Variants in TBC1D16 observed in about 807,000 individuals in gnomAD.
The protein encoded by TBC1D16 is TBC1 domain family member 16, also known as CTD-2529O21.1.
TBC1D16 carries 58 observed loss-of-function variants against 74.7 expected under a neutral mutation model. The ratio of observed to expected loss-of-function variants is 0.78; its 90% CI spans 0.63 to 0.97. The LOEUF is 0.97. TBC1D16 is among the 50% of genes least tolerant of loss of function. TBC1D16 has a pLI of 0.00. For missense variants in TBC1D16, 1,014 were observed against 1,079.5 expected (o/e 0.94, Z 0.85); for synonymous variants, 493 against 474.7 (o/e 1.04, Z -0.50).
intron 3 of TBC1D16, among the ~76,000 whole-genome samples, chr17:79,969,941 C>CAAAGAAAAGAAAAGAAAAGA (rs552490205): frequency 1.2e-4 from 18 of 151,906 alleles, no homozygotes; most frequent in African/African-American, 4.4e-4. Context: ...GACTCCATCT[C>CAAAGAAAAGAAAAGAAAAGA]AAAGAAAAGA....
In TBC1D16 at chr17:79,952,740, C is replaced by G. The variant is rs575701923; in HGVS notation, c.858G>C (p.Pro286=). The G allele has an allele frequency of 1.2e-6, 2 of 1,612,042 alleles. No homozygotes were observed. The highest frequency in any genetic ancestry group is 2.7e-5 in the African/African-American group (2 of 74,948). The part of the protein sequence containing the change: ...GLLQTPRWDE[P]QRVCALEQIC... ...TCTGCTCCAGGGCGCACACCCGCTGCGGCTCGTCCCAGCGTGGGGTCTGCA... is the reference window on the plus strand; with the variant it reads ...TCTGCTCCAGGGCGCACACCCGCTGGGGCTCGTCCCAGCGTGGGGTCTGCA... Residue 286 remains proline (P), a synonymous_variant, in exon 4 of 12, where the codon CCG becomes CCC. Transcript: ENST00000310924.
chr17:79,942,672 G>T (rs1354360694), intron 10 of TBC1D16, among the ~76,000 whole-genome samples: 1 of 152,174 alleles, frequency 6.6e-6, no homozygotes, highest in Non-Finnish European at 1.5e-5. Context: ...TGCGCCTCTG[G>T]CAGCCACCCA....
intron 3 of TBC1D16, among the ~76,000 whole-genome samples, chr17:79,974,309 G>A (rs529560406): frequency 6.6e-6 from 1 of 152,236 alleles, no homozygotes; most frequent in South Asian, 2.1e-4. Flanking sequence ...TGCAATCTCG[G>A]TTCACTGCAA....
intron 3 of TBC1D16, among the ~76,000 whole-genome samples, chr17:79,998,514 ATTTT>A (rs376951265): frequency 7.6e-6 from 1 of 131,846 alleles, no homozygotes. Context: ...TATTATTATA[ATTTT>A]TTTTTTTTTT....
At chr17:80,031,366 C>T (rs1016788907) in intron 1 of TBC1D16, among the ~76,000 whole-genome samples, 9 of 152,222 alleles carry the variant, frequency 5.9e-5, no homozygotes, top group African/African-American at 2.2e-4. Flanking sequence ...AGATGAGCCT[C>T]TATGCAGAAG....
At position 79,950,322 on chromosome 17, in the gene TBC1D16, C is replaced by A. The variant is rs1440017967; in HGVS notation, c.1257+89G>T. On this transcript the variant is annotated intron_variant, in intron 6 of 11. Coordinates refer to ENST00000310924, the MANE Select transcript of TBC1D16 (RefSeq NM_019020.4). The surrounding 1 kb of genome is among the most constrained non-coding windows in gnomAD (Gnocchi z 4.6). ...GAGGTGGCCCGTGGGTGCGGGCGGGCGGCCAGGCCCCGGCCCTCCTTCCCT... is the reference window on the plus strand; with the variant it reads ...GAGGTGGCCCGTGGGTGCGGGCGGGAGGCCAGGCCCCGGCCCTCCTTCCCT... 2 of 1,429,002 alleles carry A rather than the reference C, an allele frequency of 1.4e-6. No individual in the cohort carries two copies. Among genetic ancestry groups the A allele is most frequent in the African/African-American group, 2.9e-5 (2 of 69,374 alleles). 88.5% of individuals were successfully genotyped at this position (1,429,002 alleles called of 1,614,324 possible).
At chr17:80,025,259 C>T (rs1426024034) in intron 1 of TBC1D16, among the ~76,000 whole-genome samples, 1 of 150,012 alleles carries the variant, frequency 6.7e-6, no homozygotes, top group African/African-American at 2.5e-5. Flanking sequence ...CTCTGTTCTC[C>T]GACAGCGCCA....
rs1051653957 is a variant in TBC1D16, at chr17:80,035,344, G to C, written c.-63+451C>G. Among the ~76,000 whole-genome samples, 2 of 151,986 alleles carry C rather than the reference G, an allele frequency of 1.3e-5. No individual in the cohort carries two copies. The highest frequency in any genetic ancestry group is 6.5e-5 in the Admixed American group (1 of 15,284). ...CCCAGACCACCAAGCCCGACAGGCC[G>C]GGAAAGCTGAGCGCGCGCTGCTGGG... On this transcript the variant is annotated intron_variant, in intron 1 of 11. Coordinates refer to ENST00000310924, the MANE Select transcript of TBC1D16 (RefSeq NM_019020.4). The surrounding 1 kb of genome is among the most constrained non-coding windows in gnomAD (Gnocchi z 5.3).
chr17:79,948,186 G>A (rs565834149), intron 8 of TBC1D16, among the ~76,000 whole-genome samples: 7 of 152,056 alleles, frequency 4.6e-5, no homozygotes, highest in Non-Finnish European at 8.8e-5. Flanking sequence ...TGGGGTGCAC[G>A]CCTGTAATCT....
Position 79,961,387 on chromosome 17 carries a change from G to A in TBC1D16, c.780-8569C>T, listed in dbSNP as rs1383439189. ...ACATGGAGGAACTGGAACTCTCACG[G>A]ACTGCTGGTGGGAATGCAACACGGC... On this transcript the variant is annotated intron_variant, in intron 3 of 11. Transcript: ENST00000310924. The surrounding 1 kb of genome is among the most constrained non-coding windows in gnomAD (Gnocchi z 4.8). Among the ~76,000 whole-genome samples, 1 of 152,220 alleles carries A rather than the reference G, an allele frequency of 6.6e-6. No individual in the cohort carries two copies. The highest frequency in any genetic ancestry group is 2.4e-5 in the African/African-American group (1 of 41,456).
chr17:79,951,719 A>C, intron 4 of TBC1D16, 122 bp from the exon 5 acceptor site: 1 of 1,207,114 alleles, frequency 8.3e-7, no homozygotes, highest in South Asian at 1.5e-5. Context: ...AGTGAGTCCC[A>C]GTGGAGTTGG....
rs1196384598 is a variant in TBC1D16 at position 79,990,655 on chromosome 17, A to G, written c.779+19505T>C. On this transcript the variant is annotated intron_variant, in intron 3 of 11. Coordinates refer to ENST00000310924, the MANE Select transcript of TBC1D16 (RefSeq NM_019020.4). This position sits in a 1 kb window ranked among gnomAD's most constrained non-coding sequence, Gnocchi z 4.8. ...TCAACGTCGAGCCCAGTGGCATTATACCATTCCTATTTTTGTGCAACCATG... is the reference window on the plus strand; with the variant it reads ...TCAACGTCGAGCCCAGTGGCATTATGCCATTCCTATTTTTGTGCAACCATG... 6.6e-6 allele frequency among the ~76,000 whole-genome samples: 1 copy of G among 152,190 alleles called. No individual in the cohort carries two copies. Among genetic ancestry groups the G allele is most frequent in the Non-Finnish European group, 1.5e-5 (1 of 68,034 alleles).
rs1187245520 is a variant in TBC1D16, at chr17:80,010,752, G to A, written c.187C>T (p.Leu63=). The A allele has an allele frequency of 1.3e-6, 2 of 1,490,314 alleles. No homozygotes were observed. The highest frequency in any genetic ancestry group is 1.4e-5 in the South Asian group (1 of 70,696). The allele number at this position is 1,490,314 out of a possible 1,614,324, so 92.3% of individuals were successfully genotyped here. The stretch of plus-strand genomic sequence containing the variant: ...TCATCCTTCTCCATGTACAAGCACA[G>A]GTAACCTGTGAGGAGCCAGGGGGAT... ...QGLGEHHPGY[L]CLYMEKDEML... is the part of the protein sequence containing the mutation. Residue 63 remains leucine (L), a synonymous_variant, in exon 3 of 12, where the codon CTG becomes TTG. Transcript: ENST00000310924. This position sits in a 1 kb window ranked among gnomAD's most constrained non-coding sequence, Gnocchi z 8.8.
intron 2 of TBC1D16, among the ~76,000 whole-genome samples, chr17:80,011,878 T>C (rs1028210543): frequency 2.0e-5 from 3 of 151,802 alleles, no homozygotes; most frequent in African/African-American, 7.3e-5. Context: ...CCTTTTCCAA[T>C]CATCAGTGGC....
chr17:80,032,576 T>C (rs1451160090), intron 1 of TBC1D16, among the ~76,000 whole-genome samples: 1 of 152,028 alleles, frequency 6.6e-6, no homozygotes, highest in African/African-American at 2.4e-5. Flanking sequence ...AAAGGACAGA[T>C]AGGATAAAAA....
In TBC1D16 at chr17:80,010,240, G is replaced by A. The variant is rs779834564; in HGVS notation, c.699C>T (p.Phe233=). 3 of 1,613,346 alleles carry A rather than the reference G, an allele frequency of 1.9e-6. No individual in the cohort carries two copies. In the Admixed American group the frequency reaches 5.0e-5, roughly 27 times the overall value. Residue 233 remains phenylalanine (F), a synonymous_variant, in exon 3 of 12, where the codon TTC becomes TTT. Transcript: ENST00000310924. This position sits in a 1 kb window ranked among gnomAD's most constrained non-coding sequence, Gnocchi z 8.8. ...TGGGCGAGAGGCAGAAGGGCGAGGAGAAGGTGTCTGAGTCTGAGTCAAAGG... is the reference window on the plus strand; with the variant it reads ...TGGGCGAGAGGCAGAAGGGCGAGGAAAAGGTGTCTGAGTCTGAGTCAAAGG... ...DSSFDSDSDT[F]SSPFCLSPIS...
Position 79,940,765 on chromosome 17 carries a change from T to C in TBC1D16, c.*94A>G. ...AAGCATTTTCCTTAGGTTTCTACCGTCCCCTGTCCCCTTCACGCCCAGCCC... is the reference window on the plus strand; with the variant it reads ...AAGCATTTTCCTTAGGTTTCTACCGCCCCCTGTCCCCTTCACGCCCAGCCC... On this transcript the variant is annotated 3_prime_UTR_variant, in exon 12 of 12. Transcript: ENST00000310924. The surrounding 1 kb of genome is among the most constrained non-coding windows in gnomAD (Gnocchi z 5.4). 7.4e-7 allele frequency: 1 copy of C among 1,356,068 alleles called. No homozygotes were observed. 84.0% of individuals were successfully genotyped at this position (1,356,068 alleles called of 1,614,324 possible). A position where few individuals can be genotyped will look rare whatever the true frequency, so the allele number is the denominator to read the frequency against.
rs1293247758 is a variant in TBC1D16 at position 79,980,121 on chromosome 17, T to C, written c.780-27303A>G. ...CTCCGAGCCTCCCAGCGCATCCCAC[T>C]GCTCTGCAGAAACAGAATAATCACC... On this transcript the variant is annotated intron_variant, in intron 3 of 11. Transcript: ENST00000310924. The surrounding 1 kb of genome is among the most constrained non-coding windows in gnomAD (Gnocchi z 7.0). Among the ~76,000 whole-genome samples the C allele has an allele frequency of 6.6e-6, 1 of 152,186 alleles. No individual in the cohort carries two copies. The highest frequency in any genetic ancestry group is 1.5e-5 in the Non-Finnish European group (1 of 68,022).
chr17:79,962,958 G>A (rs566416011), intron 3 of TBC1D16, among the ~76,000 whole-genome samples: 64 of 151,826 alleles, frequency 4.2e-4, no homozygotes, highest in African/African-American at 1.5e-3. Context: ...GCTGAGACAG[G>A]AGAATCGCTT....
Sources: gnomAD v4.1 joint callset for allele counts (sites outside exome capture counted in the v4.1 genomes callset) on GRCh38, gnomAD v4.1.1 for gene constraint, Gnocchi (gnomAD v3.1) non-coding constraint, MANE v1.5 for transcripts, NCBI Gene and HGNC (gene_info 2026-07-23, HGNC 2026-07-21) for gene names.